MAK: variants seen among roughly 807,000 people sequenced by gnomAD.
The protein encoded by MAK is male germ cell associated kinase.
MAK carries 65 observed loss-of-function variants against 82.6 expected under a neutral mutation model. That is an observed-to-expected ratio of 0.79 (90% CI 0.64 to 0.97). The LOEUF is 0.97. Ranked by LOEUF, MAK falls within the 50% of genes least tolerant of loss-of-function variation. The pLI, the probability that MAK is intolerant of heterozygous loss-of-function variation, is 0.00. For synonymous variants in MAK, 250 were observed against 274.2 expected (o/e 0.91, Z 0.87); for missense variants, 703 against 780.2 (o/e 0.90, Z 1.18).
intron 6 of MAK, 72 bp from the exon 7 acceptor site, chr6:10,803,963 G>T: frequency 2.3e-6 from 3 of 1,292,568 alleles, no homozygotes; most frequent in Non-Finnish European, 3.4e-6. Flanking sequence ...AGCATTCTAC[G>T]CTGTGTGGTC....
At chr6:10,837,021 A>T (rs10484888) in intron 1 of MAK, among the ~76,000 whole-genome samples, 8,574 of 152,296 alleles carry the variant, frequency 0.056, 273 homozygotes, top group Admixed American at 0.099. Flanking sequence ...TTGCCAGCTA[A>T]TAAGAGATTC....
intron 2 of MAK, among the ~76,000 whole-genome samples, chr6:10,825,602 T>C (rs944171777): frequency 4.1e-4 from 63 of 152,196 alleles, no homozygotes; most frequent in African/African-American, 1.5e-3. Context: ...AAAGTCATCA[T>C]GCCCCAGACT....
At chr6:10,802,247 C>T in intron 7 of MAK, 188 bp from the exon 8 acceptor site, 1 of 560,140 alleles carries the variant, frequency 1.8e-6, no homozygotes, top group African/African-American at 1.9e-5. Flanking sequence ...ATAGAAAGAA[C>T]ATTAAGCTGA....
At chr6:10,789,980 T>C (rs1389093793) in intron 10 of MAK, among the ~76,000 whole-genome samples, 1 of 152,218 alleles carries the variant, frequency 6.6e-6, no homozygotes, top group Non-Finnish European at 1.5e-5. Flanking sequence ...TGCACCGTAC[T>C]GCAGGTAAAT....
rs750156645 is a variant in MAK, at chr6:10,830,532, G to A, written c.101+16C>T. The A allele has an allele frequency of 6.3e-7, 1 of 1,592,522 alleles. No homozygotes were observed. The highest frequency in any genetic ancestry group is 2.2e-5 in the East Asian group (1 of 44,764). On this transcript the variant is annotated intron_variant, in intron 2 of 14. Transcript: ENST00000354489. ...AGAGTTTTCAAAGGTGAAGTTGGCA[G>A]TGTCACACACAGTACCTTTTGATGG... is the stretch of plus-strand genomic sequence containing the variant.
chr6:10,806,812 T>C (rs547675377), intron 6 of MAK, among the ~76,000 whole-genome samples: 4 of 152,112 alleles, frequency 2.6e-5, no homozygotes, highest in African/African-American at 7.2e-5. Flanking sequence ...CACCATGTTT[T>C]GATGCAGCAT....
intron 4 of MAK, among the ~76,000 whole-genome samples, chr6:10,817,638 T>C (rs1777593303): frequency 6.6e-6 from 1 of 152,224 alleles, no homozygotes; most frequent in Admixed American, 6.5e-5. Flanking sequence ...ATACTGGCCT[T>C]CACTTTCAAG....
At chr6:10,795,172 C>T (rs535183720) in intron 9 of MAK, among the ~76,000 whole-genome samples, 1 of 152,092 alleles carries the variant, frequency 6.6e-6, no homozygotes, top group East Asian at 1.9e-4. Context: ...GAATTTTAGG[C>T]CGGGCTTGGT....
In MAK at chr6:10,763,033, C is replaced by A. The variant is rs182244748; in HGVS notation, c.*1419G>T. 2.5e-4 allele frequency: 38 copies of A among 152,680 alleles called. No individual in the cohort carries two copies. The highest frequency in any genetic ancestry group is 8.2e-4 in the African/African-American group (34 of 41,550). The allele number at this position is 152,680 out of a possible 1,614,324, so 9.5% of individuals were successfully genotyped here. A position where few individuals can be genotyped will look rare whatever the true frequency, so the allele number is the denominator to read the frequency against. On this transcript the variant is annotated 3_prime_UTR_variant, in exon 15 of 15. Coordinates refer to ENST00000354489, the MANE Select transcript of MAK (RefSeq NM_001242957.3). ...CTCAGCAGTTGGTAACATTATTATT[C>A]TTTAAAAAGAATTTACAGTACTAAG... is the stretch of plus-strand genomic sequence containing the variant.
chr6:10,784,373 T>TGACC, intron 11 of MAK, 51 bp downstream of exon 11: 1 of 1,598,572 alleles, frequency 6.3e-7, no homozygotes, highest in Admixed American at 1.7e-5. Context: ...CACTTGAACC[T>TGACC]GACCTATCTA....
chr6:10,832,431 T>C (rs1778877114), intron 1 of MAK, among the ~76,000 whole-genome samples: 2 of 152,244 alleles, frequency 1.3e-5, no homozygotes, highest in African/African-American at 2.4e-5. Context: ...TCTGTCAATG[T>C]AGCAAATACC....
intron 8 of MAK, chr6:10,797,969 C>G: frequency 8.9e-7 from 1 of 1,128,138 alleles, no homozygotes; most frequent in Non-Finnish European, 1.1e-6. Context: ...CAATGCCTAG[C>G]ACACTGAAGG....
chr6:10,770,396 C>G (rs567857892), intron 13 of MAK, among the ~76,000 whole-genome samples, 166 bp from the exon 14 acceptor site: 1 of 152,204 alleles, frequency 6.6e-6, no homozygotes, highest in Non-Finnish European at 1.5e-5. Context: ...ATCCATACAA[C>G]AGCCCGCTTA....
At position 10,815,934 on chromosome 6, in the gene MAK, A is replaced by G. The variant is rs1274922793; in HGVS notation, c.278+1916T>C. ...ACAGTATATATATATATATATATAT[A>G]TATATATATATATGTATGTTTTCTT... On this transcript the variant is annotated intron_variant, in intron 4 of 14. Coordinates refer to ENST00000354489, the MANE Select transcript of MAK (RefSeq NM_001242957.3). 7.7e-4 allele frequency among the ~76,000 whole-genome samples: 103 copies of G among 133,308 alleles called. 7 individuals carry two copies. The highest frequency in any genetic ancestry group is 2.7e-3 in the African/African-American group (79 of 29,414). 87.5% of individuals were successfully genotyped at this position (133,308 alleles called of 152,430 possible). A position where few individuals can be genotyped will look rare whatever the true frequency, so the allele number is the denominator to read the frequency against.
intron 4 of MAK, among the ~76,000 whole-genome samples, chr6:10,815,030 C>CAAA (rs1777353369): frequency 6.8e-6 from 1 of 147,490 alleles, no homozygotes. Context: ...GAGCGAGACT[C>CAAA]CATCTCAAAA....
At chr6:10,810,506 ATTGT>A (rs903974816) in intron 5 of MAK, among the ~76,000 whole-genome samples, 7 of 151,870 alleles carry the variant, frequency 4.6e-5, no homozygotes, top group Admixed American at 4.6e-4. Flanking sequence ...CACTCGGCTA[ATTGT>A]TTGTATTTTT....
At chr6:10,788,344 AAT>A (rs1457049010) in intron 10 of MAK, among the ~76,000 whole-genome samples, 1 of 152,144 alleles carries the variant, frequency 6.6e-6, no homozygotes, top group African/African-American at 2.4e-5. Flanking sequence ...CATCCTCAAA[AAT>A]ATATGACTAA....
chr6:10,775,846 T>C (rs938890834), intron 11 of MAK, among the ~76,000 whole-genome samples: 4 of 152,198 alleles, frequency 2.6e-5, no homozygotes, highest in African/African-American at 9.7e-5. Flanking sequence ...TGGAGTGCCA[T>C]GGTGTGATCT....
At chr6:10,787,667 G>T (rs1194567413) in intron 10 of MAK, among the ~76,000 whole-genome samples, 1 of 151,964 alleles carries the variant, frequency 6.6e-6, no homozygotes, top group Non-Finnish European at 1.5e-5. Flanking sequence ...GACCATCCTG[G>T]CTAACATGGT....
Sources: allele counts gnomAD v4.1 joint callset (sites outside exome capture counted in the v4.1 genomes callset), GRCh38; gene constraint gnomAD v4.1.1; transcripts MANE v1.5; gene names NCBI Gene and HGNC (gene_info 2026-07-23, HGNC 2026-07-21).